The following NCAM2 variants were observed in gnomAD, a reference collection of about 807,000 sequenced individuals.
The protein encoded by NCAM2 is N-CAM-2.
In NCAM2, 30 loss-of-function variants were observed where a neutral mutation model predicts 98.1. That is an observed-to-expected ratio of 0.31 (90% CI 0.23 to 0.41). The LOEUF is 0.41. NCAM2 is among the 10% of genes least tolerant of loss of function. The pLI, the probability that NCAM2 is intolerant of heterozygous loss-of-function variation, is 1.00. For missense variants in NCAM2, 867 were observed against 1,005.8 expected (o/e 0.86, Z 1.87); for synonymous variants, 368 against 342.4 (o/e 1.07, Z -0.83).
intron 1 of NCAM2, among the ~76,000 whole-genome samples, chr21:21,110,786 C>T (rs760456721): frequency 6.6e-6 from 1 of 151,916 alleles, no homozygotes; most frequent in Non-Finnish European, 1.5e-5. Flanking sequence ...TGAATTGGTT[C>T]TACCACTTAT....
chr21:21,365,537 G>A (rs2148013465), intron 8 of NCAM2, among the ~76,000 whole-genome samples: 1 of 151,958 alleles, frequency 6.6e-6, no homozygotes, highest in African/African-American at 2.4e-5. Flanking sequence ...CGTGGCATAT[G>A]CAAGGTGAAA....
At chr21:21,152,007 A>G (rs1217210763) in intron 1 of NCAM2, among the ~76,000 whole-genome samples, 1 of 152,022 alleles carries the variant, frequency 6.6e-6, no homozygotes, top group Non-Finnish European at 1.5e-5. Context: ...GTATTGCTTA[A>G]TAAAATGTGG....
At chr21:21,521,136 C>G (rs898286007) in intron 16 of NCAM2, among the ~76,000 whole-genome samples, 1 of 152,074 alleles carries the variant, frequency 6.6e-6, no homozygotes, top group Non-Finnish European at 1.5e-5. Context: ...CCAACACCAC[C>G]CGGCTCTATG....
At chr21:21,035,681 A>G (rs2064782771) in intron 1 of NCAM2, among the ~76,000 whole-genome samples, 1 of 152,146 alleles carries the variant, frequency 6.6e-6, no homozygotes, top group East Asian at 1.9e-4. Context: ...TATGATCTCA[A>G]ACTTGTCAGA....
intron 8 of NCAM2, among the ~76,000 whole-genome samples, chr21:21,342,234 G>T (rs1182645828): frequency 4.6e-5 from 7 of 152,158 alleles, no homozygotes; most frequent in African/African-American, 1.7e-4. Context: ...CATAGTAAAT[G>T]ACCCCATAAT....
intron 16 of NCAM2, among the ~76,000 whole-genome samples, chr21:21,511,819 T>C (rs1320889330): frequency 1.3e-5 from 2 of 152,200 alleles, no homozygotes; most frequent in East Asian, 3.9e-4. Context: ...TATCTTATTA[T>C]GGTTTTGATT....
At chr21:21,526,579 A>T (rs1435025976) in intron 16 of NCAM2, among the ~76,000 whole-genome samples, 1 of 152,232 alleles carries the variant, frequency 6.6e-6, no homozygotes, top group Middle Eastern at 3.4e-3. Flanking sequence ...AGTCAGTGTA[A>T]TCCCAACAAA....
At chr21:21,058,422 T>C (rs2065256220) in intron 1 of NCAM2, among the ~76,000 whole-genome samples, 1 of 152,134 alleles carries the variant, frequency 6.6e-6, no homozygotes, top group African/African-American at 2.4e-5. Context: ...AAGCAAATGA[T>C]ATTTTATTTT....
intron 1 of NCAM2, among the ~76,000 whole-genome samples, chr21:21,138,585 A>T (rs746010139): frequency 2.6e-5 from 4 of 152,134 alleles, no homozygotes; most frequent in Non-Finnish European, 5.9e-5. Flanking sequence ...TTTTTTTAAC[A>T]TTATTGCCAT....
chr21:21,098,906 T>A lies in NCAM2; in HGVS notation c.55+100288T>A, dbSNP rs1306284587. ...ATTGCCAAAGCCTGATAAAGGGAAA[T>A]TTTCCTGCCTGAAATGGCCAGGCAC... On this transcript the variant is annotated intron_variant, in intron 1 of 17. Coordinates refer to ENST00000400546, the MANE Select transcript of NCAM2 (RefSeq NM_004540.5). 2.0e-5 allele frequency among the ~76,000 whole-genome samples: 3 copies of A among 151,846 alleles called. No homozygotes were observed. The East Asian group carries it at 5.8e-4, about 30-fold the overall frequency.
chr21:21,253,063 A>G (rs1211536062), intron 1 of NCAM2, among the ~76,000 whole-genome samples: 2 of 152,056 alleles, frequency 1.3e-5, no homozygotes, highest in African/African-American at 4.8e-5. Context: ...TTGATTTCTC[A>G]ATAATTAGAA....
At chr21:21,364,794 T>G (rs2075744915) in intron 8 of NCAM2, among the ~76,000 whole-genome samples, 1 of 151,988 alleles carries the variant, frequency 6.6e-6, no homozygotes, top group Admixed American at 6.6e-5. Context: ...CAAAATGTGG[T>G]CACTAGATGT....
intron 8 of NCAM2, among the ~76,000 whole-genome samples, chr21:21,343,630 A>G (rs889392084): frequency 2.3e-4 from 35 of 152,156 alleles, no homozygotes; most frequent in African/African-American, 7.7e-4. Context: ...TAGAGCAGAA[A>G]GGAAAACAAG....
chr21:21,514,508 G>A (rs1012936205), intron 16 of NCAM2, among the ~76,000 whole-genome samples: 1 of 150,078 alleles, frequency 6.7e-6, no homozygotes, highest in African/African-American at 2.4e-5. Context: ...TGTTTTCTCT[G>A]GTGAACAGAA....
rs1306506222 is a variant in NCAM2, at chr21:21,225,774, A to C, written c.56-54804A>C. Among the ~76,000 whole-genome samples, 307 of 152,234 alleles carry C rather than the reference A, an allele frequency of 2.0e-3. 3 individuals carry two copies. Among genetic ancestry groups the C allele is most frequent in the African/African-American group, 7.1e-3 (296 of 41,550 alleles). ...AGCATGTAATAATATTCCAAAGTTG[A>C]TTTGGAGTGTGGCCAACACACCAAA... On this transcript the variant is annotated intron_variant, in intron 1 of 17. Transcript: ENST00000400546.
intron 6 of NCAM2, among the ~76,000 whole-genome samples, chr21:21,329,995 C>CTT (rs1568940497): frequency 6.6e-6 from 1 of 151,126 alleles, no homozygotes; most frequent in Non-Finnish European, 1.5e-5. Context: ...AGTATTCTCC[C>CTT]CTCTCTCATC....
chr21:21,074,353 C>A (rs1299019267), intron 1 of NCAM2, among the ~76,000 whole-genome samples: 1 of 151,552 alleles, frequency 6.6e-6, no homozygotes, highest in South Asian at 2.1e-4. Context: ...GCATTTATTA[C>A]ATTTATTACA....
At chr21:21,134,559 A>G (rs536794620) in intron 1 of NCAM2, among the ~76,000 whole-genome samples, 9 of 152,272 alleles carry the variant, frequency 5.9e-5, no homozygotes, top group Admixed American at 5.2e-4. Context: ...TTCTTTTACA[A>G]AATAAAGTGT....
chr21:21,403,083 G>T (rs2076666961), intron 9 of NCAM2, among the ~76,000 whole-genome samples: 1 of 151,956 alleles, frequency 6.6e-6, no homozygotes, highest in Admixed American at 6.6e-5. Context: ...ATACCTGTTG[G>T]CCACTTATTT....
Sources: allele counts gnomAD v4.1 joint callset (sites outside exome capture counted in the v4.1 genomes callset), GRCh38; gene constraint gnomAD v4.1.1; transcripts MANE v1.5; gene names NCBI Gene and HGNC (gene_info 2026-07-23, HGNC 2026-07-21).